The following GLIS3 variants were observed in gnomAD, a reference collection of about 807,000 sequenced individuals.
GLIS3 encodes GLIS family zinc finger 3.
A neutral mutation model predicts 78.6 loss-of-function variants in GLIS3; 53 were observed. The observed-to-expected ratio is 0.67, with a 90% CI of 0.54 to 0.85. The LOEUF is 0.85. Among genes scored for constraint, GLIS3 ranks in the 40% least tolerant of loss-of-function variants. GLIS3 has a pLI of 0.00. For synonymous variants in GLIS3, 684 were observed against 509.9 expected (o/e 1.34, Z -4.60); for missense variants, 1,703 against 1,231.1 (o/e 1.38, Z -5.74).
At chr9:3,902,807 A>C (rs1823412179) in intron 6 of GLIS3, among the ~76,000 whole-genome samples, 1 of 152,244 alleles carries the variant, frequency 6.6e-6, no homozygotes, top group Admixed American at 6.5e-5. Flanking sequence ...GGAAACAGCG[A>C]ATTATAAAAA....
At chr9:4,155,589 G>C (rs760376223) in intron 2 of GLIS3, among the ~76,000 whole-genome samples, 4 of 152,126 alleles carry the variant, frequency 2.6e-5, no homozygotes, top group African/African-American at 4.8e-5. Flanking sequence ...TAGGACATTA[G>C]TCACCGGTTA....
At chr9:4,287,727 G>A (rs1190533190) in intron 1 of GLIS3, among the ~76,000 whole-genome samples, 1 of 152,038 alleles carries the variant, frequency 6.6e-6, no homozygotes, top group Non-Finnish European at 1.5e-5. Context: ...CCAAATAAAG[G>A]ACTCCATAAA....
intron 6 of GLIS3, among the ~76,000 whole-genome samples, chr9:3,907,876 T>G (rs1182953391): frequency 6.6e-6 from 1 of 152,142 alleles, no homozygotes; most frequent in Non-Finnish European, 1.5e-5. Context: ...GGGAAGGCAT[T>G]CTAAACTTAC....
chr9:4,165,582 C>T (rs568596300), intron 2 of GLIS3, among the ~76,000 whole-genome samples: 6 of 152,338 alleles, frequency 3.9e-5, no homozygotes, highest in Admixed American at 6.5e-5. Context: ...AGCTACACTC[C>T]GAGTTTCACT....
chr9:4,143,510 T>A (rs1386880137), intron 2 of GLIS3, among the ~76,000 whole-genome samples: 1 of 151,612 alleles, frequency 6.6e-6, no homozygotes, highest in Non-Finnish European at 1.5e-5. Context: ...GGGGTTGCAG[T>A]GAGCCGAGAT....
intron 4 of GLIS3, among the ~76,000 whole-genome samples, chr9:3,993,959 A>G (rs1314438034): frequency 1.3e-5 from 2 of 152,168 alleles, no homozygotes; most frequent in African/African-American, 2.4e-5. Context: ...GCTTCCCAGG[A>G]GCAGTCATTT....
At chr9:4,364,846 C>G in the GLIS3 span, among the ~76,000 whole-genome samples, 40,593 of 143,044 alleles carry the variant, frequency 0.28, 6,858 homozygotes, top group Admixed American at 0.44. Flanking sequence ...TTCACAGGTG[C>G]AATCATAGCA....
intron 2 of GLIS3, among the ~76,000 whole-genome samples, chr9:4,328,952 G>A (rs572978243): frequency 2.0e-5 from 3 of 152,342 alleles, no homozygotes; most frequent in African/African-American, 7.2e-5. Context: ...TTTCTCATAA[G>A]CTCCAGCAAC....
chr9:4,279,324 T>TATACAC (rs1234969923), intron 2 of GLIS3, among the ~76,000 whole-genome samples: 94 of 84,894 alleles, frequency 1.1e-3, no homozygotes, highest in African/African-American at 3.2e-3. Flanking sequence ...AATATATATA[T>TATACAC]ACACACACAC....
intron 6 of GLIS3, among the ~76,000 whole-genome samples, chr9:3,927,810 A>G (rs961761480): frequency 6.6e-6 from 1 of 152,230 alleles, no homozygotes; most frequent in Non-Finnish European, 1.5e-5. Context: ...GGGTCTACCT[A>G]AAAGGGAAGC....
At chr9:4,484,319 C>A in the GLIS3 span, among the ~76,000 whole-genome samples, 2 of 149,900 alleles carry the variant, frequency 1.3e-5, no homozygotes, top group African/African-American at 4.9e-5. Flanking sequence ...CTCACTGCAA[C>A]CTCTGCCTCC....
chr9:4,067,191 C>T (rs981419723), intron 4 of GLIS3, among the ~76,000 whole-genome samples: 4 of 151,340 alleles, frequency 2.6e-5, no homozygotes, highest in Middle Eastern at 3.4e-3. Context: ...ACCTTTGACT[C>T]GTTAATACTT....
chr9:4,256,841 C>A (rs955298593), intron 2 of GLIS3, among the ~76,000 whole-genome samples: 4 of 152,104 alleles, frequency 2.6e-5, no homozygotes, highest in Non-Finnish European at 4.4e-5. Flanking sequence ...AATATCTCAT[C>A]TGAATATACA....
At chr9:4,069,813 A>G (rs2027393) in intron 4 of GLIS3, among the ~76,000 whole-genome samples, 80,716 of 151,644 alleles carry the variant, frequency 0.53, 23,377 homozygotes, top group African/African-American at 0.76. Context: ...CTAAAATACC[A>G]TTGTGCATTT....
At chr9:4,234,159 G>C (rs1023048489) in intron 2 of GLIS3, among the ~76,000 whole-genome samples, 1 of 152,130 alleles carries the variant, frequency 6.6e-6, no homozygotes, top group Admixed American at 6.5e-5. Context: ...TATCCTTCTT[G>C]TGTTCATGGG....
intron 2 of GLIS3, among the ~76,000 whole-genome samples, chr9:4,339,933 G>A (rs926249831): frequency 6.9e-6 from 1 of 144,702 alleles, no homozygotes; most frequent in African/African-American, 2.5e-5. Context: ...GCAAGTTTTT[G>A]GTGGGTAGTT....
the GLIS3 span, among the ~76,000 whole-genome samples, chr9:4,423,309 C>A: frequency 6.6e-6 from 1 of 152,170 alleles, no homozygotes; most frequent in South Asian, 2.1e-4. Context: ...CTCCACCACA[C>A]GGAAGGGCGG....
the GLIS3 span, among the ~76,000 whole-genome samples, chr9:4,437,013 G>C: frequency 1.3e-5 from 2 of 152,084 alleles, no homozygotes; most frequent in African/African-American, 4.8e-5. Flanking sequence ...GAAGTATAGA[G>C]AGAAGGTATC....
intron 4 of GLIS3, among the ~76,000 whole-genome samples, chr9:4,109,845 TG>T (rs1362952526): frequency 1.3e-5 from 2 of 152,212 alleles, no homozygotes; most frequent in Non-Finnish European, 2.9e-5. Flanking sequence ...CATATGGTGC[TG>T]TGCAGGTTTA....
Sources: allele counts gnomAD v4.1 joint callset (sites outside exome capture counted in the v4.1 genomes callset), GRCh38; gene constraint gnomAD v4.1.1; transcripts MANE v1.5; gene names NCBI Gene and HGNC (gene_info 2026-07-23, HGNC 2026-07-21).